PTK2: variants seen among roughly 807,000 people sequenced by gnomAD.
PTK2 encodes focal adhesion kinase 1.
A neutral mutation model predicts 150.1 loss-of-function variants in PTK2; 45 were observed. The ratio of observed to expected loss-of-function variants is 0.30; its 90% CI spans 0.24 to 0.38. The LOEUF is 0.38. Among genes scored for constraint, PTK2 ranks in the 10% least tolerant of loss-of-function variants. The pLI, the probability that PTK2 is intolerant of heterozygous loss-of-function variation, is 1.00. For missense variants in PTK2, 919 were observed against 1,307.3 expected (o/e 0.70, Z 4.58); for synonymous variants, 432 against 449.2 (o/e 0.96, Z 0.48).
At chr8:140,678,345 G>A (rs1276117537) in intron 27 of PTK2, among the ~76,000 whole-genome samples, 4 of 151,140 alleles carry the variant, frequency 2.6e-5, no homozygotes, top group African/African-American at 9.8e-5. Context: ...ACTGCGCCTG[G>A]CCCTTATTTT....
rs1213079704 is a variant in PTK2 at position 140,924,432 on chromosome 8, A to G, written c.-33+1229T>C. 2.0e-5 allele frequency among the ~76,000 whole-genome samples: 3 copies of G among 152,344 alleles called. No individual in the cohort carries two copies. In the East Asian group the frequency reaches 5.8e-4, roughly 29 times the overall value. On this transcript the variant is annotated intron_variant, in intron 2 of 31. Transcript: ENST00000522684. ...ACTACAATGCAAGCTCCGTGACAGA[A>G]GGAAATTCTGTCTGTTCTGTACATA... is the stretch of plus-strand genomic sequence containing the variant.
At position 140,912,250 on chromosome 8, in the gene PTK2, GA is replaced by G. The variant is rs140925011; in HGVS notation, c.-33+13410del. On this transcript the variant is annotated intron_variant, in intron 2 of 31. Coordinates refer to ENST00000522684, the Ensembl canonical transcript of PTK2. ...AGAGTAACACTCTGTCTCTATAAAAGAAAAAAAAAACAAAAAAACAAAAAAA... is the reference window on the plus strand; with the variant it reads ...AGAGTAACACTCTGTCTCTATAAAAGAAAAAAAAACAAAAAAACAAAAAAA... Among the ~76,000 whole-genome samples the G allele has an allele frequency of 3.4e-3, 454 of 132,702 alleles. 14 individuals are homozygous for G. In the East Asian group the frequency reaches 0.075, roughly 22 times the overall value. 87.1% of individuals were successfully genotyped at this position (132,702 alleles called of 152,430 possible).
At chr8:140,679,064 G>A (rs1047950661) in intron 27 of PTK2, among the ~76,000 whole-genome samples, 8 of 121,720 alleles carry the variant, frequency 6.6e-5, no homozygotes, top group South Asian at 2.9e-4. Context: ...TTGCTCTGTC[G>A]CCCAGGCTGG....
At chr8:140,960,763 C>G (rs1054788175) in intron 1 of PTK2, among the ~76,000 whole-genome samples, 1 of 152,138 alleles carries the variant, frequency 6.6e-6, no homozygotes, top group Non-Finnish European at 1.5e-5. Context: ...GGGCAGATCA[C>G]CTGAGGTCAG....
chr8:140,865,434 T>C (rs918998657), intron 4 of PTK2, among the ~76,000 whole-genome samples: 4 of 152,222 alleles, frequency 2.6e-5, no homozygotes, highest in East Asian at 1.9e-4. Flanking sequence ...TATTGATTTG[T>C]AGGTGTTCTT....
chr8:140,895,191 A>G (rs968366913), intron 2 of PTK2, among the ~76,000 whole-genome samples: 1 of 152,208 alleles, frequency 6.6e-6, no homozygotes, highest in African/African-American at 2.4e-5. Context: ...GTGAAAAGAA[A>G]TATCAAAACT....
intron 1 of PTK2, among the ~76,000 whole-genome samples, chr8:140,963,103 C>T (rs764548764): frequency 2.6e-5 from 4 of 152,050 alleles, no homozygotes; most frequent in East Asian, 3.9e-4. Flanking sequence ...CCAACACGCA[C>T]GAACCTTAAG....
At chr8:141,000,127 C>CACA (rs58481152) in intron 1 of PTK2, among the ~76,000 whole-genome samples, 12,971 of 123,468 alleles carry the variant, frequency 0.11, 834 homozygotes, top group South Asian at 0.14. Flanking sequence ...ACACACACAC[C>CACA]CCTTCTTCTA....
intron 7 of PTK2, among the ~76,000 whole-genome samples, chr8:140,840,873 A>G (rs1179823174): frequency 2.0e-5 from 3 of 152,210 alleles, no homozygotes; most frequent in Non-Finnish European, 1.5e-5. Flanking sequence ...ACCTGAAAGT[A>G]TAAGGACACA....
chr8:140,911,874 AC>A (rs2100163309), intron 2 of PTK2, among the ~76,000 whole-genome samples: 1 of 152,212 alleles, frequency 6.6e-6, no homozygotes, highest in African/African-American at 2.4e-5. Context: ...AAAATTACAA[AC>A]AGATATCCCT....
chr8:140,914,787 G>C (rs1192557108), intron 2 of PTK2, among the ~76,000 whole-genome samples: 1 of 152,072 alleles, frequency 6.6e-6, no homozygotes, highest in Non-Finnish European at 1.5e-5. Flanking sequence ...TATAATTCCA[G>C]CACTCTGAGA....
chr8:140,864,652 A>G (rs1473562697), intron 4 of PTK2, among the ~76,000 whole-genome samples: 1 of 152,170 alleles, frequency 6.6e-6, no homozygotes, highest in African/African-American at 2.4e-5. Flanking sequence ...AGTCCTTCCA[A>G]CCCATGGGTC....
intron 1 of PTK2, among the ~76,000 whole-genome samples, chr8:140,988,714 G>A (rs903692495): frequency 9.0e-6 from 1 of 111,320 alleles, no homozygotes; most frequent in Non-Finnish European, 1.7e-5. Flanking sequence ...GGGTTGCAGA[G>A]CAAGACTCCA....
chr8:140,874,407 A>G (rs1488496419), intron 4 of PTK2, among the ~76,000 whole-genome samples: 5 of 152,214 alleles, frequency 3.3e-5, no homozygotes, highest in Non-Finnish European at 7.3e-5. Context: ...TCATTTGACT[A>G]GAGATCTTAC....
intron 22 of PTK2, among the ~76,000 whole-genome samples, chr8:140,719,085 AG>A (rs1485032298): frequency 6.6e-6 from 1 of 152,122 alleles, no homozygotes; most frequent in African/African-American, 2.4e-5. Flanking sequence ...CTGAGGCAGG[AG>A]AATCCCTTGA....
chr8:140,936,515 C>T (rs1022686043), intron 1 of PTK2, among the ~76,000 whole-genome samples: 1 of 152,086 alleles, frequency 6.6e-6, no homozygotes, highest in African/African-American at 2.4e-5. Context: ...TCCTGACTCA[C>T]TGCACCCGAC....
At chr8:140,798,903 A>C (rs1013840246) in intron 12 of PTK2, among the ~76,000 whole-genome samples, 2 of 152,364 alleles carry the variant, frequency 1.3e-5, no homozygotes, top group East Asian at 3.9e-4. Context: ...AAAGTGAAAA[A>C]TCAAGACCTA....
chr8:140,887,618 C>A (rs550290293), intron 3 of PTK2, among the ~76,000 whole-genome samples: 1 of 152,188 alleles, frequency 6.6e-6, no homozygotes, highest in East Asian at 1.9e-4. Context: ...TGAGAATTTG[C>A]TTTCTACAGA....
intron 17 of PTK2, among the ~76,000 whole-genome samples, chr8:140,747,519 A>C (rs1367495377): frequency 1.1e-4 from 1 of 8,804 alleles, no homozygotes; most frequent in East Asian, 5.3e-3. Context: ...AGGAGGAGGA[A>C]GAGGAGGGGG....
Sources: gnomAD v4.1 joint callset for allele counts (sites outside exome capture counted in the v4.1 genomes callset) on GRCh38, gnomAD v4.1.1 for gene constraint, MANE v1.5 for transcripts, NCBI Gene and HGNC (gene_info 2026-07-23, HGNC 2026-07-21) for gene names.